TSPAN18: variants seen among roughly 807,000 people sequenced by gnomAD.
TSPAN18 encodes the protein tetraspanin 18.
Under a neutral mutation model 27.3 loss-of-function variants are expected in TSPAN18, and 14 were observed. The observed-to-expected ratio is 0.51, with a 90% confidence interval of 0.34 to 0.80. The LOEUF is 0.80. Ranked by LOEUF, TSPAN18 falls within the 30% of genes least tolerant of loss-of-function variation. The pLI is 0.01. For missense variants in TSPAN18, 268 were observed against 323.9 expected (o/e 0.83, Z 1.32); for synonymous variants, 143 against 136.5 (o/e 1.05, Z -0.33).
At chr11:44,823,702 G>C (rs1346173039) in intron 2 of TSPAN18, among the ~76,000 whole-genome samples, 1 of 152,032 alleles carries the variant, frequency 6.6e-6, no homozygotes, top group Non-Finnish European at 1.5e-5. Flanking sequence ...TGGAGGTGAG[G>C]TTTCACCGGG....
At chr11:44,873,769 G>A (rs531446269) in intron 3 of TSPAN18, among the ~76,000 whole-genome samples, 1 of 152,340 alleles carries the variant, frequency 6.6e-6, no homozygotes, top group South Asian at 2.1e-4. Context: ...GGATGTGCCT[G>A]TTACCTGGAT....
rs577624733 is a variant in TSPAN18 at position 44,881,178 on chromosome 11, C to T, written c.-11+20709C>T. Among the ~76,000 whole-genome samples, 26 of 152,334 alleles carry T rather than the reference C, an allele frequency of 1.7e-4. No individual in the cohort carries two copies. In the East Asian group the frequency reaches 3.9e-3, roughly 23 times the overall value. The stretch of plus-strand genomic sequence containing the variant: ...TGGGGGCAATAATAGCATGACCACC[C>T]AGGGCTACAGGAATGGATAACCATG... On this transcript the variant is annotated intron_variant, in intron 3 of 9. Coordinates refer to ENST00000520358, the MANE Select transcript of TSPAN18 (RefSeq NM_130783.5).
At chr11:44,832,803 A>G (rs1280896381) in intron 2 of TSPAN18, among the ~76,000 whole-genome samples, 1 of 151,786 alleles carries the variant, frequency 6.6e-6, no homozygotes, top group African/African-American at 2.4e-5. Flanking sequence ...CCACCCACTG[A>G]CTTCACTTAT....
At chr11:44,896,064 A>G (rs943872262) in intron 3 of TSPAN18, among the ~76,000 whole-genome samples, 2 of 152,228 alleles carry the variant, frequency 1.3e-5, no homozygotes, top group African/African-American at 4.8e-5. Flanking sequence ...CTTCCCCGGC[A>G]CATAGTAGCA....
intron 2 of TSPAN18, among the ~76,000 whole-genome samples, chr11:44,807,872 G>A (rs1590506954): frequency 6.6e-6 from 1 of 152,316 alleles, no homozygotes; most frequent in East Asian, 1.9e-4. Flanking sequence ...TGGGCTGCAT[G>A]TAGCCTCCAG....
At chr11:44,731,366 C>T (rs182202771) in intron 1 of TSPAN18, among the ~76,000 whole-genome samples, 91 of 152,216 alleles carry the variant, frequency 6.0e-4, no homozygotes, top group African/African-American at 2.2e-3. Context: ...ACCATTCAAC[C>T]CCTGGTGCCT....
intron 2 of TSPAN18, among the ~76,000 whole-genome samples, chr11:44,824,369 C>G (rs576448566): frequency 1.3e-5 from 2 of 152,330 alleles, no homozygotes; most frequent in South Asian, 4.1e-4. Flanking sequence ...TGATCACCCA[C>G]CCCCAACTGG....
chr11:44,858,448 G>T (rs1857793022), intron 2 of TSPAN18, among the ~76,000 whole-genome samples: 1 of 152,246 alleles, frequency 6.6e-6, no homozygotes. Flanking sequence ...CTGACAGAGG[G>T]TCCGTGATCC....
At chr11:44,823,718 G>C (rs949661251) in intron 2 of TSPAN18, among the ~76,000 whole-genome samples, 3 of 152,160 alleles carry the variant, frequency 2.0e-5, no homozygotes, top group African/African-American at 7.2e-5. Flanking sequence ...CCGGGGACCT[G>C]CCCCTATTTG....
chr11:44,911,787 A>G (rs1324719536), intron 5 of TSPAN18, among the ~76,000 whole-genome samples: 1 of 152,036 alleles, frequency 6.6e-6, no homozygotes, highest in Non-Finnish European at 1.5e-5. Flanking sequence ...CAGCCGCCCC[A>G]GGACGTCCTC....
At chr11:44,884,612 C>T (rs931576110) in intron 3 of TSPAN18, among the ~76,000 whole-genome samples, 1 of 152,238 alleles carries the variant, frequency 6.6e-6, no homozygotes, top group African/African-American at 2.4e-5. Context: ...GCTCTCCCTG[C>T]AGAGGTTTAA....
At chr11:44,779,387 C>G (rs1298345969) in intron 2 of TSPAN18, among the ~76,000 whole-genome samples, 4 of 152,126 alleles carry the variant, frequency 2.6e-5, no homozygotes, top group Non-Finnish European at 5.9e-5. Flanking sequence ...TTTTTGTGTT[C>G]AGTGAAGGCC....
At chr11:44,769,536 T>G (rs1855643824) in intron 2 of TSPAN18, among the ~76,000 whole-genome samples, 1 of 152,230 alleles carries the variant, frequency 6.6e-6, no homozygotes, top group Non-Finnish European at 1.5e-5. Flanking sequence ...GATACTTTCT[T>G]TTTTGCAAGG....
intron 5 of TSPAN18, among the ~76,000 whole-genome samples, chr11:44,912,667 G>A (rs1008193619): frequency 6.6e-6 from 1 of 152,174 alleles, no homozygotes; most frequent in African/African-American, 2.4e-5. Flanking sequence ...TGGGTACAGT[G>A]TGTATGTGCA....
At chr11:44,775,402 C>G (rs1275593850) in intron 2 of TSPAN18, among the ~76,000 whole-genome samples, 1 of 152,170 alleles carries the variant, frequency 6.6e-6, no homozygotes, top group East Asian at 1.9e-4. Flanking sequence ...TAATATGTTC[C>G]TCTCCCCATT....
chr11:44,816,850 C>T (rs1856827028), intron 2 of TSPAN18, among the ~76,000 whole-genome samples: 1 of 152,158 alleles, frequency 6.6e-6, no homozygotes. Context: ...GCTTTCTTTT[C>T]CAAGCTGCTG....
At chr11:44,881,594 A>G (rs1858490769) in intron 3 of TSPAN18, among the ~76,000 whole-genome samples, 1 of 152,218 alleles carries the variant, frequency 6.6e-6, no homozygotes, top group Non-Finnish European at 1.5e-5. Flanking sequence ...AATGAACTGT[A>G]TGGGAAAATA....
At chr11:44,809,612 A>G (rs974238400) in intron 2 of TSPAN18, among the ~76,000 whole-genome samples, 2 of 150,784 alleles carry the variant, frequency 1.3e-5, no homozygotes, top group Non-Finnish European at 3.0e-5. Context: ...CTGAATCTTG[A>G]GGGGGTGGGT....
At chr11:44,904,390 A>T (rs1309460335) in intron 3 of TSPAN18, among the ~76,000 whole-genome samples, 1 of 152,236 alleles carries the variant, frequency 6.6e-6, no homozygotes, top group Non-Finnish European at 1.5e-5. Flanking sequence ...CCAGTGCCAA[A>T]TCCAAAGCCG....
Sources: allele counts gnomAD v4.1 joint callset (sites outside exome capture counted in the v4.1 genomes callset), GRCh38; gene constraint gnomAD v4.1.1; transcripts MANE v1.5; gene names NCBI Gene and HGNC (gene_info 2026-07-23, HGNC 2026-07-21).